Variants in UBE4B observed in about 807,000 individuals in gnomAD.
The protein encoded by UBE4B is ubiquitination factor E4B, also known as ubiquitin conjugation factor E4 B.
UBE4B carries 27 observed loss-of-function variants against 148.1 expected under a neutral mutation model. The observed-to-expected ratio is 0.18, with a 90% confidence interval of 0.13 to 0.25. The LOEUF (loss-of-function observed/expected upper bound fraction) is 0.25. Among genes scored for constraint, UBE4B ranks in the 10% least tolerant of loss-of-function variants. The probability of loss-of-function intolerance (pLI) is 1.00; values close to 1 mark genes in which losing one functional copy is unlikely to be tolerated. For missense variants in UBE4B, 1,170 were observed against 1,662.4 expected (o/e 0.70, Z 5.15); for synonymous variants, 596 against 619.3 (o/e 0.96, Z 0.56).
intron 1 of UBE4B, among the ~76,000 whole-genome samples, chr1:10,035,713 G>GT (rs948173261): frequency 5.4e-4 from 78 of 144,712 alleles, no homozygotes; most frequent in Admixed American, 1.2e-3. Context: ...GCCAGAGATA[G>GT]TTTTTTTATT....
chr1:10,151,613 C>A, intron 21 of UBE4B, 52 bp downstream of exon 21: 2 of 1,502,082 alleles, frequency 1.3e-6, no homozygotes, highest in South Asian at 1.2e-5. Flanking sequence ...TAGGTAAGGT[C>A]ATCTAAAGCT....
Position 10,130,573 on chromosome 1 carries a change from A to G in UBE4B, c.1769A>G (p.Tyr590Cys). 6.2e-7 allele frequency: 1 copy of G among 1,614,132 alleles called. No homozygotes were observed. Among genetic ancestry groups the G allele is most frequent in the Non-Finnish European group, 8.5e-7 (1 of 1,180,030 alleles). The change falls in exon 13 of 28, where the codon TAC becomes TGC. Residue 590 changes from tyrosine (Y) to cysteine (C), a missense_variant. By Grantham distance (194) the Tyr-to-Cys change is radical. Around this residue, in one of 6 missense-constraint regions of UBE4B, gnomAD observed 388 missense variants for 536.0 expected, o/e 0.72. Transcript: ENST00000343090. The part of the protein sequence containing the change: ...GCGRELQRLS[Y>C]LGAFFSFSVF... ...GGGCGGGAGCTGCAGAGACTCTCTT[A>G]CTTAGGGGCTTTCTTTAGCTTCTCA...
At chr1:10,100,284 T>C (rs923086198) in intron 3 of UBE4B, among the ~76,000 whole-genome samples, 3 of 152,070 alleles carry the variant, frequency 2.0e-5, no homozygotes, top group Non-Finnish European at 2.9e-5. Context: ...CCATCGTGCC[T>C]GGCCTATTTT....
chr1:10,150,590 A>G (rs189240629), intron 20 of UBE4B, among the ~76,000 whole-genome samples: 13 of 152,312 alleles, frequency 8.5e-5, no homozygotes, highest in African/African-American at 2.9e-4. Context: ...GGCTGGGTGC[A>G]ATGGCTCATG....
At chr1:10,093,685 T>C (rs185360913) in intron 2 of UBE4B, among the ~76,000 whole-genome samples, 2 of 152,228 alleles carry the variant, frequency 1.3e-5, no homozygotes, top group African/African-American at 4.8e-5. Flanking sequence ...GTTTTCTTTT[T>C]TCATACTTTT....
At chr1:10,159,838 A>G (rs1029824172) in intron 22 of UBE4B, among the ~76,000 whole-genome samples, 1 of 152,222 alleles carries the variant, frequency 6.6e-6, no homozygotes, top group Non-Finnish European at 1.5e-5. Context: ...TGCCAGATAG[A>G]TTTCTGTGAA....
At chr1:10,111,241 C>T (rs540924525) in intron 7 of UBE4B, among the ~76,000 whole-genome samples, 11 of 152,202 alleles carry the variant, frequency 7.2e-5, no homozygotes, top group Admixed American at 5.9e-4. Context: ...GCGCTACACA[C>T]ACACCCCCAC....
At chr1:10,085,094 T>A (rs538716173) in intron 2 of UBE4B, among the ~76,000 whole-genome samples, 63 of 152,270 alleles carry the variant, frequency 4.1e-4, no homozygotes, top group Admixed American at 1.1e-3. Flanking sequence ...ATTTGTCACC[T>A]TTAACACCTA....
intron 19 of UBE4B, among the ~76,000 whole-genome samples, chr1:10,148,588 C>A (rs1284964836): frequency 6.7e-6 from 1 of 149,550 alleles, no homozygotes; most frequent in Non-Finnish European, 1.5e-5. Context: ...GCCGAGATCA[C>A]GCCACTGTAC....
In UBE4B at chr1:10,180,503, G is replaced by C. The variant is rs978771900; in HGVS notation, c.*547G>C. 3.9e-5 allele frequency: 6 copies of C among 152,512 alleles called. No homozygotes were observed. The highest frequency in any genetic ancestry group is 1.5e-4 in the African/African-American group (6 of 41,356). 9.4% of individuals were successfully genotyped at this position (152,512 alleles called of 1,614,324 possible). On this transcript the variant is annotated 3_prime_UTR_variant, in exon 28 of 28. Transcript: ENST00000343090. ...GTGAGATAACTGTGCCTGCTACCAA[G>C]TGTTAATCCTGGGATCGTATTTTTA...
intron 12 of UBE4B, among the ~76,000 whole-genome samples, 178 bp downstream of exon 12, chr1:10,129,626 A>G (rs1645558843): frequency 6.6e-6 from 1 of 152,088 alleles, no homozygotes; most frequent in Non-Finnish European, 1.5e-5. Context: ...TATATCCTGC[A>G]TTACAGTTGT....
At chr1:10,154,757 A>T (rs1334510876) in intron 21 of UBE4B, among the ~76,000 whole-genome samples, 1 of 151,804 alleles carries the variant, frequency 6.6e-6, no homozygotes, top group Non-Finnish European at 1.5e-5. Context: ...CAGATGAATC[A>T]CTTGAATCAG....
intron 15 of UBE4B, among the ~76,000 whole-genome samples, chr1:10,132,910 G>A (rs1026855988): frequency 6.6e-6 from 1 of 152,184 alleles, no homozygotes; most frequent in African/African-American, 2.4e-5. Flanking sequence ...TGTGGCTGGA[G>A]AAGAGTGAAC....
At chr1:10,039,306 C>T (rs918497689) in intron 1 of UBE4B, among the ~76,000 whole-genome samples, 4 of 151,904 alleles carry the variant, frequency 2.6e-5, no homozygotes, top group South Asian at 2.1e-4. Context: ...GGAACTGGCT[C>T]GAAATTGGGG....
rs183539661 is a variant in UBE4B at position 10,054,227 on chromosome 1, T to C, written c.25-17801T>C. 4.0e-3 allele frequency among the ~76,000 whole-genome samples: 616 copies of C among 152,326 alleles called. 19 individuals carry two copies. Among genetic ancestry groups the C allele is most frequent in the Admixed American group, 0.034 (513 of 15,282 alleles). ...TTTTGTAAGTAATATCTGGCTGTTT[T>C]CTAACCAATTGAGTAATTTGTTGCA... On this transcript the variant is annotated intron_variant, in intron 1 of 27. Transcript: ENST00000343090.
chr1:10,047,311 C>T (rs555224675), intron 1 of UBE4B, among the ~76,000 whole-genome samples: 2 of 152,110 alleles, frequency 1.3e-5, no homozygotes, highest in East Asian at 3.9e-4. Context: ...TAACTCCATG[C>T]CTGCTAGGGG....
In UBE4B at chr1:10,126,839, T is replaced by C. The variant is rs776275736; in HGVS notation, c.1600T>C (p.Cys534Arg). The change falls in exon 11 of 28, where the codon TGC becomes CGC. Residue 534 changes from cysteine (C) to arginine (R), a missense_variant. This residue lies in a region of UBE4B where 388 missense variants were observed against 536.0 expected (regional missense o/e 0.72). Transcript: ENST00000343090. ...LQGLALAAKE[C>R]SLDSDYFKYP... ...AGGCCTGGCTCTTGCTGCCAAAGAG[T>C]GCTCCCTCGACAGTGACTACTTTAA... 1 of 1,614,144 alleles carries C rather than the reference T, an allele frequency of 6.2e-7. No homozygotes were observed. Among genetic ancestry groups the C allele is most frequent in the Admixed American group, 1.7e-5 (1 of 60,016 alleles).
chr1:10,088,388 T>A (rs550983486), intron 2 of UBE4B, among the ~76,000 whole-genome samples: 8 of 151,890 alleles, frequency 5.3e-5, no homozygotes, highest in African/African-American at 1.9e-4. Context: ...AAATTTATTT[T>A]ATTTTTTTTT....
At chr1:10,099,544 C>T (rs1644976937) in intron 3 of UBE4B, among the ~76,000 whole-genome samples, 1 of 151,960 alleles carries the variant, frequency 6.6e-6, no homozygotes, top group Non-Finnish European at 1.5e-5. Flanking sequence ...TATTACTTCT[C>T]CCCAAGTTGA....
Sources: gnomAD v4.1 joint callset for allele counts (sites outside exome capture counted in the v4.1 genomes callset) on GRCh38, gnomAD v4.1.1 for gene constraint, gnomAD v4.1.1 regional missense constraint, MANE v1.5 for transcripts, NCBI Gene and HGNC (gene_info 2026-07-23, HGNC 2026-07-21) for gene names.